The following PPP1R14C variants were observed in gnomAD, a reference collection of about 807,000 sequenced individuals.
The protein encoded by PPP1R14C is protein phosphatase 1 regulatory subunit 14C.
In PPP1R14C, 16 loss-of-function variants were observed where a neutral mutation model predicts 20.4. The observed-to-expected ratio is 0.78, with a 90% CI of 0.53 to 1.19. The LOEUF (loss-of-function observed/expected upper bound fraction) is 1.19, where lower values mean the gene tolerates loss of function less well. PPP1R14C is among the 50% of genes most tolerant of loss of function. The probability of loss-of-function intolerance (pLI) is 0.00; values close to 1 mark genes in which losing one functional copy is unlikely to be tolerated. For synonymous variants in PPP1R14C, 91 were observed against 91.0 expected (o/e 1.00, Z 0.00); for missense variants, 211 against 220.1 (o/e 0.96, Z 0.26).
intron 1 of PPP1R14C, among the ~76,000 whole-genome samples, chr6:150,182,234 C>G (rs1460742087): frequency 6.6e-6 from 1 of 152,208 alleles, no homozygotes; most frequent in Admixed American, 6.5e-5. Flanking sequence ...TCTGGCCTCC[C>G]TATTTCCAAG....
chr6:150,192,136 T>C (rs1777752722), intron 1 of PPP1R14C, among the ~76,000 whole-genome samples: 1 of 152,136 alleles, frequency 6.6e-6, no homozygotes, highest in Non-Finnish European at 1.5e-5. Context: ...GCTGGTCCGT[T>C]TTGACTTTTC....
rs1410631779 is a variant in PPP1R14C at position 150,249,441 on chromosome 6, C to T, written c.*621C>T. On this transcript the variant is annotated 3_prime_UTR_variant, in exon 4 of 4. Transcript: ENST00000361131. ...CCAAAGTGAAAGAATTCAGTGTATCCGTTATTTTAATGCACTACACCACAG... is the reference window on the plus strand; with the variant it reads ...CCAAAGTGAAAGAATTCAGTGTATCTGTTATTTTAATGCACTACACCACAG... 1.8e-5 allele frequency: 7 copies of T among 398,462 alleles called. No homozygotes were observed. Among genetic ancestry groups the T allele is most frequent in the South Asian group, 1.3e-4 (1 of 7,844 alleles). The allele number at this position is 398,462 out of a possible 1,614,324, so 24.7% of individuals were successfully genotyped here. A position where few individuals can be genotyped will look rare whatever the true frequency, so the allele number is the denominator to read the frequency against.
Position 150,185,275 on chromosome 6 carries a change from T to G in PPP1R14C, c.307-29469T>G, listed in dbSNP as rs773679873. Among the ~76,000 whole-genome samples, 15 of 152,272 alleles carry G rather than the reference T, an allele frequency of 9.9e-5. No individual in the cohort carries two copies. The highest frequency in any genetic ancestry group is 1.9e-4 in the Non-Finnish European group (13 of 68,016). The stretch of plus-strand genomic sequence containing the variant: ...TGAGGATGAAGGGGTTAAATGCAGG[T>G]GAAACCCTTAGAGAAGTGCCTAGCA... On this transcript the variant is annotated intron_variant, in intron 1 of 3. Coordinates refer to ENST00000361131, the MANE Select transcript of PPP1R14C (RefSeq NM_030949.3). This position sits in a 1 kb window ranked among gnomAD's most constrained non-coding sequence, Gnocchi z 4.1.
intron 3 of PPP1R14C, among the ~76,000 whole-genome samples, chr6:150,236,927 A>G (rs73011621): frequency 0.058 from 8,780 of 151,970 alleles, 329 homozygotes; most frequent in African/African-American, 0.085. Flanking sequence ...GGATTTTCTC[A>G]GCGGTTAGAG....
At chr6:150,174,751 T>A (rs1478905175) in intron 1 of PPP1R14C, among the ~76,000 whole-genome samples, 1 of 151,366 alleles carries the variant, frequency 6.6e-6, no homozygotes, top group Non-Finnish European at 1.5e-5. Context: ...GATCACAAGG[T>A]CAGGAGTTCG....
chr6:150,166,237 C>T (rs532577645), intron 1 of PPP1R14C, among the ~76,000 whole-genome samples: 133 of 152,156 alleles, frequency 8.7e-4, no homozygotes, highest in Non-Finnish European at 1.6e-3. Flanking sequence ...CCCGCTACCA[C>T]GCCCGGCTAA....
chr6:150,174,890 C>T (rs749393443), intron 1 of PPP1R14C, among the ~76,000 whole-genome samples: 2 of 151,406 alleles, frequency 1.3e-5, no homozygotes, highest in East Asian at 2.0e-4. Context: ...TGCTTGAACC[C>T]GGGAGGCGGA....
At chr6:150,155,470 A>T (rs1020828346) in intron 1 of PPP1R14C, among the ~76,000 whole-genome samples, 1 of 152,160 alleles carries the variant, frequency 6.6e-6, no homozygotes. Context: ...AGGCTCCAAG[A>T]GTCTTAGTAA....
chr6:150,178,090 C>G (rs1475131995), intron 1 of PPP1R14C, among the ~76,000 whole-genome samples: 1 of 152,168 alleles, frequency 6.6e-6, no homozygotes, highest in Non-Finnish European at 1.5e-5. Context: ...CGCGGCTGGC[C>G]CTCACCCCCC....
intron 1 of PPP1R14C, among the ~76,000 whole-genome samples, chr6:150,203,812 T>C (rs1777908728): frequency 6.6e-6 from 1 of 152,196 alleles, no homozygotes; most frequent in East Asian, 1.9e-4. Context: ...CAAATCTGGA[T>C]GTGGACCATC....
At chr6:150,147,142 T>TA (rs1288811589) in intron 1 of PPP1R14C, among the ~76,000 whole-genome samples, 2 of 151,032 alleles carry the variant, frequency 1.3e-5, no homozygotes, top group Non-Finnish European at 1.5e-5. Flanking sequence ...TTTTTTTTTT[T>TA]AATCTCTTCC....
At chr6:150,236,638 T>TGCGC (rs1554221585) in intron 3 of PPP1R14C, among the ~76,000 whole-genome samples, 1 of 142,042 alleles carries the variant, frequency 7.0e-6, no homozygotes, top group Admixed American at 7.0e-5. Context: ...TGTGTGTGTG[T>TGCGC]GCGCGTGTGT....
chr6:150,214,301 T>C (rs9478585), intron 1 of PPP1R14C, among the ~76,000 whole-genome samples: 13,145 of 152,214 alleles, frequency 0.086, 685 homozygotes, highest in East Asian at 0.16. Flanking sequence ...TAGGAAACTG[T>C]CATCTCCCGG....
intron 3 of PPP1R14C, 102 bp from the exon 4 acceptor site, chr6:150,248,644 C>A: frequency 1.4e-6 from 1 of 727,808 alleles, no homozygotes; most frequent in Non-Finnish European, 2.4e-6. Context: ...CCAAATTCAT[C>A]AACTAAGGTT....
intron 3 of PPP1R14C, among the ~76,000 whole-genome samples, chr6:150,236,973 T>C (rs1364509031): frequency 6.6e-6 from 1 of 152,124 alleles, no homozygotes; most frequent in Non-Finnish European, 1.5e-5. Flanking sequence ...TGACCATCAC[T>C]GAGGGAGAAA....
chr6:150,183,010 G>A lies in PPP1R14C; in HGVS notation c.307-31734G>A, dbSNP rs4869847. ...ACAGAAAAAGTGCAGTAAAAATATGGTATTTTAATCTTATGGGACCACTGC... is the reference window on the plus strand; with the variant it reads ...ACAGAAAAAGTGCAGTAAAAATATGATATTTTAATCTTATGGGACCACTGC... On this transcript the variant is annotated intron_variant, in intron 1 of 3. Transcript: ENST00000361131. Among the ~76,000 whole-genome samples the A allele has an allele frequency of 8.0e-4, 122 of 152,284 alleles. 1 individual carries two copies. Among genetic ancestry groups the A allele is most frequent in the Admixed American group, 6.8e-3 (104 of 15,296 alleles).
intron 1 of PPP1R14C, among the ~76,000 whole-genome samples, chr6:150,178,113 C>T (rs1777583259): frequency 6.6e-6 from 1 of 152,170 alleles, no homozygotes; most frequent in African/African-American, 2.4e-5. Flanking sequence ...GCAGCCTCCG[C>T]GAGGCCTTTT....
intron 1 of PPP1R14C, among the ~76,000 whole-genome samples, chr6:150,197,594 T>A (rs1324194907): frequency 6.6e-6 from 1 of 152,252 alleles, no homozygotes; most frequent in Non-Finnish European, 1.5e-5. Flanking sequence ...GGTATCCAGG[T>A]TGCTGTAGCG....
At chr6:150,213,488 A>T (rs1374927137) in intron 1 of PPP1R14C, among the ~76,000 whole-genome samples, 1 of 152,220 alleles carries the variant, frequency 6.6e-6, no homozygotes, top group East Asian at 1.9e-4. Context: ...GAGCCAAGAC[A>T]CAGAGAGGCC....
Sources: gnomAD v4.1 joint callset for allele counts (sites outside exome capture counted in the v4.1 genomes callset) on GRCh38, gnomAD v4.1.1 for gene constraint, Gnocchi (gnomAD v3.1) non-coding constraint, MANE v1.5 for transcripts, NCBI Gene and HGNC (gene_info 2026-07-23, HGNC 2026-07-21) for gene names.